Variants in STPG4 observed in about 807,000 individuals in gnomAD.
The protein encoded by STPG4 is sperm-tail PG-rich repeat containing 4.
In STPG4, 41 loss-of-function variants were observed where a neutral mutation model predicts 31.5. That is an observed-to-expected ratio of 1.30 (90% CI 1.01 to 1.69). The LOEUF (loss-of-function observed/expected upper bound fraction) is 1.69. STPG4 is among the 40% of genes most tolerant of loss of function. The pLI, the probability that STPG4 is intolerant of heterozygous loss-of-function variation, is 0.00. For synonymous variants in STPG4, 141 were observed against 103.0 expected (o/e 1.37, Z -2.24); for missense variants, 375 against 293.4 (o/e 1.28, Z -2.03).
chr2:47,127,245 G>GCTCA (rs112377662), intron 5 of STPG4, among the ~76,000 whole-genome samples: 19,850 of 102,130 alleles, frequency 0.19, 2,310 homozygotes, highest in African/African-American at 0.31. Flanking sequence ...TTGTCTTCAA[G>GCTCA]CTAATTCTTT....
At chr2:47,150,455 C>A (rs1428843768) in intron 3 of STPG4, among the ~76,000 whole-genome samples, 1 of 151,918 alleles carries the variant, frequency 6.6e-6, no homozygotes, top group Non-Finnish European at 1.5e-5. Flanking sequence ...ACTGGTGGAG[C>A]TGAGAGTAGA....
chr2:47,148,391 G>A (rs1463124643), intron 3 of STPG4, among the ~76,000 whole-genome samples: 3 of 151,498 alleles, frequency 2.0e-5, no homozygotes, highest in African/African-American at 7.3e-5. Context: ...ATATACACGG[G>A]TAACAAACCT....
At chr2:47,110,236 T>C (rs1216304910) in intron 5 of STPG4, among the ~76,000 whole-genome samples, 4 of 152,234 alleles carry the variant, frequency 2.6e-5, no homozygotes, top group Non-Finnish European at 4.4e-5. Context: ...AATAACAAAG[T>C]GTTTTCATCT....
chr2:47,093,741 T>C (rs1685618689), intron 5 of STPG4, among the ~76,000 whole-genome samples: 1 of 152,238 alleles, frequency 6.6e-6, no homozygotes, highest in Admixed American at 6.5e-5. Context: ...TAAGATGTGC[T>C]GCAGAAAGAA....
intron 3 of STPG4, among the ~76,000 whole-genome samples, chr2:47,148,968 A>G (rs765269354): frequency 4.6e-5 from 7 of 152,228 alleles, no homozygotes; most frequent in Non-Finnish European, 1.0e-4. Context: ...AAAATTTGAG[A>G]ATGCTATTCT....
intron 5 of STPG4, among the ~76,000 whole-genome samples, chr2:47,111,278 G>A (rs944269955): frequency 6.6e-6 from 1 of 152,096 alleles, no homozygotes; most frequent in Non-Finnish European, 1.5e-5. Flanking sequence ...TATTCTAATG[G>A]GATTAATAAG....
chr2:47,090,509 C>A (rs1685549849), intron 5 of STPG4, 135 bp from the exon 6 acceptor site: 1 of 632,938 alleles, frequency 1.6e-6, no homozygotes, highest in Non-Finnish European at 2.7e-6. Context: ...CTCGAGAGAT[C>A]TCTTTAAGGT....
chr2:47,155,202 A>G lies in STPG4; in HGVS notation c.50T>C (p.Leu17Pro). 6.2e-7 allele frequency: 1 copy of G among 1,614,162 alleles called. No homozygotes were observed. The highest frequency in any genetic ancestry group is 8.5e-7 in the Non-Finnish European group (1 of 1,180,026). Residue 17 changes from leucine to proline, a missense_variant, in exon 1 of 7, where the codon CTG becomes CCG. Leu to Pro is a moderately conservative substitution (Grantham distance 98). Coordinates refer to ENST00000445927, the MANE Select transcript of STPG4 (RefSeq NM_001163561.2). ...ATASTSIRED[L>P]VGGESFITAS... is the part of the protein sequence containing the mutation. ...TGTGATGAATGATTCTCCACCCACC[A>G]GGTCTTCCCTTATTGAGGTGGAAGC...
At position 47,129,980 on chromosome 2, in the gene STPG4, G is replaced by T. The variant is rs778661930; in HGVS notation, c.480C>A (p.Arg160=). ...PKYASRSCVF[R]STVQRFPTTY... is the part of the protein sequence containing the mutation. ...TTGTTGGGAATCTTTGAACTGTTGAGCGAAATACACAGCTCCTATATTTCA... is the reference window on the plus strand; with the variant it reads ...TTGTTGGGAATCTTTGAACTGTTGATCGAAATACACAGCTCCTATATTTCA... The change falls in exon 5 of 7, where the codon CGC becomes CGA. Residue 160 remains arginine (R), a synonymous_variant. Coordinates refer to ENST00000445927, the MANE Select transcript of STPG4 (RefSeq NM_001163561.2). 1.3e-6 allele frequency: 2 copies of T among 1,579,522 alleles called. No individual in the cohort carries two copies. The highest frequency in any genetic ancestry group is 1.7e-6 in the Non-Finnish European group (2 of 1,149,408).
At chr2:47,105,894 A>G (rs1410235398) in intron 5 of STPG4, among the ~76,000 whole-genome samples, 1 of 152,082 alleles carries the variant, frequency 6.6e-6, no homozygotes, top group Non-Finnish European at 1.5e-5. Context: ...CCCCCATTAA[A>G]TACCACAAGG....
At chr2:47,116,002 G>A (rs1192800415) in intron 5 of STPG4, among the ~76,000 whole-genome samples, 1 of 152,122 alleles carries the variant, frequency 6.6e-6, no homozygotes, top group Non-Finnish European at 1.5e-5. Flanking sequence ...ATGTGGCTAG[G>A]ATATGTTGAG....
intron 5 of STPG4, chr2:47,121,088 C>G (rs150848553): frequency 5.6e-4 from 86 of 154,114 alleles, no homozygotes; most frequent in African/African-American, 2.0e-3. Flanking sequence ...ATTTGCTCCA[C>G]AGAACACAAG....
At chr2:47,137,261 A>C (rs1309038164) in intron 3 of STPG4, among the ~76,000 whole-genome samples, 1 of 152,042 alleles carries the variant, frequency 6.6e-6, no homozygotes, top group Admixed American at 6.6e-5. Flanking sequence ...TTTCTTTTTT[A>C]GCTGTTGATG....
rs145158516 is a variant in STPG4 at position 47,147,109 on chromosome 2, A to G, written c.399+4149T>C. Among the ~76,000 whole-genome samples the G allele has an allele frequency of 3.0e-3, 463 of 152,266 alleles. 1 individual carries two copies. The highest frequency in any genetic ancestry group is 5.3e-3 in the Non-Finnish European group (358 of 68,022). On this transcript the variant is annotated intron_variant, in intron 3 of 6. Transcript: ENST00000445927. ...AGCTATGATTGTGCCACTGTACTGT[A>G]GCCTCGGTGACAGTGTCTTAAATAA...
chr2:47,115,765 G>C (rs1686140661), intron 5 of STPG4, among the ~76,000 whole-genome samples: 1 of 145,960 alleles, frequency 6.9e-6, no homozygotes, highest in Admixed American at 7.5e-5. Flanking sequence ...CGATTCTTCT[G>C]TCTCAGCCTT....
chr2:47,107,734 C>T (rs906313959), intron 5 of STPG4, among the ~76,000 whole-genome samples: 2 of 152,198 alleles, frequency 1.3e-5, no homozygotes, highest in African/African-American at 4.8e-5. Context: ...GTGAAGCCAG[C>T]TGGGCTCCTG....
At chr2:47,148,694 C>T (rs776592393) in intron 3 of STPG4, among the ~76,000 whole-genome samples, 22 of 152,130 alleles carry the variant, frequency 1.4e-4, no homozygotes, top group African/African-American at 2.4e-4. Context: ...CCCAACTCCA[C>T]GACAGGCTCC....
At chr2:47,148,008 G>C (rs1044486145) in intron 3 of STPG4, among the ~76,000 whole-genome samples, 1 of 150,262 alleles carries the variant, frequency 6.7e-6, no homozygotes, top group African/African-American at 2.5e-5. Flanking sequence ...CTGGAGGGCA[G>C]TGGCACAATC....
chr2:47,103,905 T>C (rs556932066), intron 5 of STPG4, among the ~76,000 whole-genome samples: 1 of 151,962 alleles, frequency 6.6e-6, no homozygotes, highest in Non-Finnish European at 1.5e-5. Context: ...TCTCCTGTCC[T>C]GGACGACTAT....
Sources: allele counts gnomAD v4.1 joint callset (sites outside exome capture counted in the v4.1 genomes callset), GRCh38; gene constraint gnomAD v4.1.1; transcripts MANE v1.5; gene names NCBI Gene and HGNC (gene_info 2026-07-23, HGNC 2026-07-21).